The following HOXB3 variants were observed in gnomAD, a reference collection of about 807,000 sequenced individuals.
The protein encoded by HOXB3 is homeobox protein Hox-B3.
In HOXB3, 17 loss-of-function variants were observed where a neutral mutation model predicts 29.2. The ratio of observed to expected loss-of-function variants is 0.58; its 90% CI spans 0.40 to 0.87. The LOEUF is 0.87. Ranked by LOEUF, HOXB3 falls within the 40% of genes least tolerant of loss-of-function variation. The pLI, the probability that HOXB3 is intolerant of heterozygous loss-of-function variation, is 0.00. For missense variants in HOXB3, 637 were observed against 616.3 expected (o/e 1.03, Z -0.35); for synonymous variants, 317 against 285.9 (o/e 1.11, Z -1.10).
At chr17:48,574,182 A>G (rs773240312) in intron 1 of HOXB3, 168 bp from the exon 2 acceptor site, 2 of 296,810 alleles carry the variant, frequency 6.7e-6, no homozygotes, top group Non-Finnish European at 1.2e-5. Context: ...ATACCTTCCA[A>G]AGAGCAGCTT....
chr17:48,559,641 G>A (rs1051421356), intron 2 of HOXB3: 1 of 152,250 alleles, frequency 6.6e-6, no homozygotes, highest in Non-Finnish European at 1.5e-5. Context: ...TAATGAAGAA[G>A]GCTCTTGGCA....
At chr17:48,583,519 C>T (rs1186936971) in intron 1 of HOXB3, among the ~76,000 whole-genome samples, 1 of 152,192 alleles carries the variant, frequency 6.6e-6, no homozygotes, top group Non-Finnish European at 1.5e-5. Flanking sequence ...CCTCCCAATT[C>T]AAGTCTACAG....
rs1322879916 is a variant in HOXB3, at chr17:48,552,383, A to C, written c.92T>G (p.Val31Gly). Residue 31 changes from valine to glycine, a missense_variant, in exon 4 of 5, where the codon GTC (valine) becomes GGC (glycine). Val to Gly is a moderately radical substitution (Grantham distance 109). Transcript: ENST00000498678. The stretch of plus-strand genomic sequence containing the variant: ...GGCCTGAAATGGGGGTTGGGGGGGG[A>C]CATCGAAGCCGAAGCCATTGCTGCC... ...YPGSNGFGFDVPPQPPFQAAT... is the reference protein window; with the variant it reads ...YPGSNGFGFDGPPQPPFQAAT... 3 of 1,612,160 alleles carry C rather than the reference A, an allele frequency of 1.9e-6. No individual in the cohort carries two copies. The highest frequency in any genetic ancestry group is 1.7e-6 in the Non-Finnish European group (2 of 1,179,044).
intron 1 of HOXB3, among the ~76,000 whole-genome samples, chr17:48,589,751 G>A (rs2070114283): frequency 6.6e-6 from 1 of 152,094 alleles, no homozygotes; most frequent in South Asian, 2.1e-4. Flanking sequence ...TCCGGAGGAT[G>A]GGGGGATAGT....
intron 2 of HOXB3, among the ~76,000 whole-genome samples, chr17:48,569,128 A>G (rs1335338755): frequency 2.0e-5 from 3 of 151,732 alleles, no homozygotes; most frequent in Non-Finnish European, 4.4e-5. Context: ...TGCACGTCAG[A>G]AACAGGGAGA....
intron 1 of HOXB3, chr17:48,580,193 C>T (rs545359920): frequency 7.5e-6 from 2 of 266,356 alleles, no homozygotes; most frequent in Admixed American, 6.6e-5. Context: ...CTCTCGGTGG[C>T]GCATGAATTA....
chr17:48,569,062 C>CA (rs2069491984), intron 2 of HOXB3, among the ~76,000 whole-genome samples: 1 of 87,064 alleles, frequency 1.1e-5, no homozygotes. Flanking sequence ...TCTCTCTCTC[C>CA]CCCCTCTCTT....
chr17:48,586,450 TGCGGCGGTGTGGCCGGCGGC>T (rs1356685342), intron 1 of HOXB3, among the ~76,000 whole-genome samples: 3 of 152,164 alleles, frequency 2.0e-5, no homozygotes, highest in Non-Finnish European at 4.4e-5. Flanking sequence ...CGGAGGTGGC[TGCGGCGGTGTGGCCGGCGGC>T]GCGTAATGTA....
At position 48,551,006 on chromosome 17, in the gene HOXB3, A is replaced by G. The variant is rs558593675; in HGVS notation, c.624T>C (p.His208=). 6.2e-7 allele frequency: 1 copy of G among 1,613,048 alleles called. No individual in the cohort carries two copies. The highest frequency in any genetic ancestry group is 2.2e-5 in the East Asian group (1 of 44,830). ...GAGGCCGGCACAGGTAGCGGTTAAA[A>G]TGGAACTCCTTCTCCAGCTCCACCA... ...AQLVELEKEF[H]FNRYLCRPRR... is the part of the protein sequence containing the mutation. Residue 208 remains histidine, a synonymous_variant, in exon 5 of 5, where the codon CAT becomes CAC. Coordinates refer to ENST00000498678, the MANE Select transcript of HOXB3 (RefSeq NM_001384749.1).
chr17:48,557,956 C>A (rs2069052472), intron 2 of HOXB3, among the ~76,000 whole-genome samples: 1 of 152,002 alleles, frequency 6.6e-6, no homozygotes, highest in Admixed American at 6.5e-5. Context: ...TAACTTTGAG[C>A]TTGGTGGGTC....
At chr17:48,585,194 C>A (rs947796735) in intron 1 of HOXB3, among the ~76,000 whole-genome samples, 2 of 152,154 alleles carry the variant, frequency 1.3e-5, no homozygotes, top group African/African-American at 4.8e-5. Flanking sequence ...AGACGCGGAA[C>A]CCACCTCCCG....
chr17:48,555,209 GAC>G (rs2068915384), intron 3 of HOXB3, among the ~76,000 whole-genome samples: 1 of 151,912 alleles, frequency 6.6e-6, no homozygotes, highest in African/African-American at 2.4e-5. Context: ...AAGAAAGGAA[GAC>G]AGAGAAAGGT....
intron 2 of HOXB3, among the ~76,000 whole-genome samples, chr17:48,564,173 C>T (rs2069299369): frequency 1.3e-5 from 2 of 152,086 alleles, no homozygotes; most frequent in South Asian, 4.1e-4. Context: ...TCTGCACCCC[C>T]GCCAGGCCCC....
chr17:48,585,581 T>G (rs2070032171), intron 1 of HOXB3, among the ~76,000 whole-genome samples: 1 of 152,176 alleles, frequency 6.6e-6, no homozygotes, highest in African/African-American at 2.4e-5. Context: ...CTGCCTCTGG[T>G]CCAGAGCAGC....
In HOXB3 at chr17:48,554,662, C is replaced by A. The variant is rs1040342985; in HGVS notation, c.-159+869G>T. 1.4e-6 allele frequency: 1 copy of A among 702,156 alleles called. No homozygotes were observed. Among genetic ancestry groups the A allele is most frequent in the African/African-American group, 1.7e-5 (1 of 57,230 alleles). The allele number at this position is 702,156 out of a possible 1,614,324, so 43.5% of individuals were successfully genotyped here. On this transcript the variant is annotated intron_variant, in intron 3 of 4. Transcript: ENST00000498678. The surrounding 1 kb of genome is among the most constrained non-coding windows in gnomAD (Gnocchi z 4.1). ...GCCCAAGGAGGCGAAGAAGAGCAAG[C>A]GATCAGGACACCAAAACGGTTATCG...
Position 48,587,129 on chromosome 17 carries a change from G to A in HOXB3, c.-425+2996C>T, listed in dbSNP as rs1171906741. 2.0e-5 allele frequency among the ~76,000 whole-genome samples: 3 copies of A among 152,112 alleles called. No homozygotes were observed. In the East Asian group the frequency reaches 5.8e-4, roughly 29 times the overall value. On this transcript the variant is annotated intron_variant, in intron 1 of 4. Coordinates refer to ENST00000498678, the MANE Select transcript of HOXB3 (RefSeq NM_001384749.1). ...ACTCCAGGGGCTTCAAGCCTGGGGAGGGCCACAGGATTCATGTGCAGAGGG... is the reference window on the plus strand; with the variant it reads ...ACTCCAGGGGCTTCAAGCCTGGGGAAGGCCACAGGATTCATGTGCAGAGGG...
chr17:48,582,577 C>A (rs1350031245), intron 1 of HOXB3: 2 of 152,182 alleles, frequency 1.3e-5, no homozygotes, highest in Non-Finnish European at 2.9e-5. Context: ...CCGTGACCTG[C>A]GGTTCACCTC....
chr17:48,585,686 C>T (rs927667499), intron 1 of HOXB3, among the ~76,000 whole-genome samples: 1 of 152,200 alleles, frequency 6.6e-6, no homozygotes, highest in Non-Finnish European at 1.5e-5. Flanking sequence ...TTCCTTTCTC[C>T]CTCCTTGGGA....
intron 2 of HOXB3, among the ~76,000 whole-genome samples, chr17:48,570,145 G>T (rs544046587): frequency 6.6e-6 from 1 of 152,088 alleles, no homozygotes; most frequent in Non-Finnish European, 1.5e-5. Context: ...TTAGCACCCC[G>T]AGCTTCCAAT....
Sources: gnomAD v4.1 joint callset for allele counts (sites outside exome capture counted in the v4.1 genomes callset) on GRCh38, gnomAD v4.1.1 for gene constraint, Gnocchi (gnomAD v3.1) non-coding constraint, MANE v1.5 for transcripts, NCBI Gene and HGNC (gene_info 2026-07-23, HGNC 2026-07-21) for gene names.